Variants in PLPPR1 observed in about 807,000 individuals in gnomAD.
The protein encoded by PLPPR1 is phospholipid phosphatase-related protein type 1.
In PLPPR1, 10 loss-of-function variants were observed where a neutral mutation model predicts 33.1. That is an observed-to-expected ratio of 0.30 (90% CI 0.19 to 0.51). PLPPR1 has a LOEUF of 0.51. Among genes scored for constraint, PLPPR1 ranks in the 20% least tolerant of loss-of-function variants. The pLI, the probability that PLPPR1 is intolerant of heterozygous loss-of-function variation, is 0.97. For synonymous variants in PLPPR1, 151 were observed against 151.0 expected (o/e 1.00, Z 0.00); for missense variants, 304 against 408.1 (o/e 0.74, Z 2.20).
At chr9:101,071,814 C>G (rs1199041622) in intron 1 of PLPPR1, among the ~76,000 whole-genome samples, 4 of 152,012 alleles carry the variant, frequency 2.6e-5, no homozygotes, top group African/African-American at 9.7e-5. Context: ...TTTGGGTTGC[C>G]AGGAATTAGG....
chr9:101,282,748 A>G (rs2118911420), intron 3 of PLPPR1, among the ~76,000 whole-genome samples: 1 of 152,350 alleles, frequency 6.6e-6, no homozygotes, highest in South Asian at 2.1e-4. Flanking sequence ...GCATTTCTAT[A>G]TATTAACTGC....
chr9:101,261,491 C>T (rs1827898463), intron 2 of PLPPR1, among the ~76,000 whole-genome samples: 1 of 152,166 alleles, frequency 6.6e-6, no homozygotes, highest in African/African-American at 2.4e-5. Context: ...TTCTCATATA[C>T]ACACTGGTAC....
At chr9:101,155,549 C>A (rs909428407) in intron 1 of PLPPR1, among the ~76,000 whole-genome samples, 2 of 152,158 alleles carry the variant, frequency 1.3e-5, no homozygotes, top group Non-Finnish European at 2.9e-5. Context: ...CTCTTAAAGG[C>A]CCTACCTCTC....
chr9:101,222,059 T>C (rs2987729), intron 2 of PLPPR1, among the ~76,000 whole-genome samples: 109,568 of 152,064 alleles, frequency 0.72, 40,032 homozygotes, highest in East Asian at 0.99. Flanking sequence ...AGTTCTTCAC[T>C]AGGAGAGCAA....
At chr9:101,088,970 A>G (rs1326048131) in intron 1 of PLPPR1, among the ~76,000 whole-genome samples, 1 of 152,178 alleles carries the variant, frequency 6.6e-6, no homozygotes, top group Non-Finnish European at 1.5e-5. Flanking sequence ...TGATGAAACA[A>G]ATATCTTGAC....
At chr9:101,204,984 T>G (rs1826562156) in intron 2 of PLPPR1, among the ~76,000 whole-genome samples, 1 of 152,142 alleles carries the variant, frequency 6.6e-6, no homozygotes, top group Non-Finnish European at 1.5e-5. Flanking sequence ...CATTCTATAG[T>G]TGCATGTGGA....
intron 1 of PLPPR1, among the ~76,000 whole-genome samples, chr9:101,135,826 A>T (rs1041334887): frequency 6.6e-6 from 1 of 152,102 alleles, no homozygotes; most frequent in African/African-American, 2.4e-5. Flanking sequence ...TACATTTTTC[A>T]GTTTTCCCTT....
chr9:101,139,226 C>T (rs763321910), intron 1 of PLPPR1, among the ~76,000 whole-genome samples: 11 of 152,164 alleles, frequency 7.2e-5, no homozygotes, highest in Non-Finnish European at 1.3e-4. Flanking sequence ...TGTTCACCAC[C>T]ATATGGAATG....
intron 1 of PLPPR1, among the ~76,000 whole-genome samples, chr9:101,148,310 C>T (rs572196242): frequency 2.0e-4 from 31 of 152,230 alleles, no homozygotes; most frequent in Admixed American, 1.5e-3. Flanking sequence ...AAACCCTGCC[C>T]GGTCATTTGC....
At chr9:101,273,254 G>A (rs943787038) in intron 3 of PLPPR1, among the ~76,000 whole-genome samples, 9 of 152,106 alleles carry the variant, frequency 5.9e-5, no homozygotes, top group Admixed American at 2.0e-4. Flanking sequence ...CCTTATTGGT[G>A]AATTGCATCT....
chr9:101,124,225 C>T (rs912005778), intron 1 of PLPPR1, among the ~76,000 whole-genome samples: 1 of 152,112 alleles, frequency 6.6e-6, no homozygotes, highest in African/African-American at 2.4e-5. Context: ...TCCCACACAT[C>T]TCCCCTTTCC....
chr9:101,187,349 G>A (rs1238159898), intron 2 of PLPPR1: 2 of 151,512 alleles, frequency 1.3e-5, no homozygotes, highest in Admixed American at 6.6e-5. Context: ...TCTCTAATGT[G>A]TGAATGAAGA....
intron 2 of PLPPR1, among the ~76,000 whole-genome samples, chr9:101,246,467 C>T (rs1827612889): frequency 4.6e-5 from 7 of 151,864 alleles, no homozygotes; most frequent in Admixed American, 4.6e-4. Context: ...GTTCTGAGCT[C>T]TTCAGGTAAT....
intron 1 of PLPPR1, among the ~76,000 whole-genome samples, chr9:101,073,517 A>G (rs978457564): frequency 6.6e-6 from 1 of 151,532 alleles, no homozygotes; most frequent in Non-Finnish European, 1.5e-5. Context: ...TTGCAGTCCT[A>G]TGTCTTCCCT....
chr9:101,311,844 G>T lies in PLPPR1; in HGVS notation c.637-954G>T, dbSNP rs757842691. Among the ~76,000 whole-genome samples, 3 of 152,202 alleles carry T rather than the reference G, an allele frequency of 2.0e-5. 1 individual carries two copies. Among genetic ancestry groups the T allele is most frequent in the Non-Finnish European group, 4.4e-5 (3 of 68,030 alleles). On this transcript the variant is annotated intron_variant, in intron 5 of 7. Transcript: ENST00000374874. ...ATTGCTAAGCTCACATAGCACATTT[G>T]TTAAGAAATGATAGACCAATGGTGC...
intron 4 of PLPPR1, among the ~76,000 whole-genome samples, chr9:101,294,791 G>A (rs968424139): frequency 2.0e-5 from 3 of 152,000 alleles, no homozygotes; most frequent in Non-Finnish European, 2.9e-5. Context: ...AGGTATTGAT[G>A]GGACGTATCT....
chr9:101,178,895 C>T (rs1673202196), intron 1 of PLPPR1, among the ~76,000 whole-genome samples: 1 of 152,146 alleles, frequency 6.6e-6, no homozygotes, highest in African/African-American at 2.4e-5. Context: ...CTTCCTGTTC[C>T]TGCGACATTA....
intron 2 of PLPPR1, among the ~76,000 whole-genome samples, chr9:101,215,977 C>G (rs1175522457): frequency 1.3e-5 from 2 of 152,198 alleles, no homozygotes; most frequent in East Asian, 3.9e-4. Flanking sequence ...CTTTGATATA[C>G]TGATTTCTTT....
chr9:101,051,736 C>G (rs1007847585), intron 1 of PLPPR1, among the ~76,000 whole-genome samples: 1 of 152,178 alleles, frequency 6.6e-6, no homozygotes, highest in African/African-American at 2.4e-5. Flanking sequence ...TCCATTTACT[C>G]TGCACCTTCT....
Sources: gnomAD v4.1 joint callset for allele counts (sites outside exome capture counted in the v4.1 genomes callset) on GRCh38, gnomAD v4.1.1 for gene constraint, MANE v1.5 for transcripts, NCBI Gene and HGNC (gene_info 2026-07-23, HGNC 2026-07-21) for gene names.